The following CDH23 variants were observed in gnomAD, a reference collection of about 807,000 sequenced individuals.
CDH23 encodes the protein cadherin-23.
A neutral mutation model predicts 317.1 loss-of-function variants in CDH23; 189 were observed. The observed-to-expected ratio is 0.60, with a 90% CI of 0.53 to 0.67. The LOEUF (loss-of-function observed/expected upper bound fraction) is 0.67. Ranked by LOEUF, CDH23 falls within the 30% of genes least tolerant of loss-of-function variation. CDH23 has a pLI of 0.00. For missense variants in CDH23, 4,401 were observed against 4,592.4 expected, an observed-to-expected ratio of 0.96 and a Z score of 1.20; for synonymous variants, 1,839 against 1,876.8, an observed-to-expected ratio of 0.98 and a Z score of 0.52.
At chr10:71,579,024 C>T (rs911933334) in intron 9 of CDH23, among the ~76,000 whole-genome samples, 1 of 152,176 alleles carries the variant, frequency 6.6e-6, no homozygotes, top group Non-Finnish European at 1.5e-5. Context: ...TTTGCCTGTA[C>T]CTCCATAAAA....
At chr10:71,577,803 C>A in intron 8 of CDH23, 111 bp from the exon 9 acceptor site, 1 of 881,130 alleles carries the variant, frequency 1.1e-6, no homozygotes, top group Non-Finnish European at 1.8e-6. Context: ...TCCTGGGTTG[C>A]CCTTGCAGCC....
At chr10:71,465,054 T>C (rs1460947146) in intron 3 of CDH23, among the ~76,000 whole-genome samples, 1 of 152,228 alleles carries the variant, frequency 6.6e-6, no homozygotes, top group African/African-American at 2.4e-5. Flanking sequence ...TGCAGAAAAG[T>C]CTAGAGCTAA....
chr10:71,735,138 G>A (rs1839523226), intron 34 of CDH23, among the ~76,000 whole-genome samples: 1 of 152,198 alleles, frequency 6.6e-6, no homozygotes, highest in Admixed American at 6.5e-5. Flanking sequence ...CTGCAGTGGG[G>A]CTCTGTCCTG....
At chr10:71,487,450 A>G (rs1174680183) in intron 3 of CDH23, among the ~76,000 whole-genome samples, 1 of 152,200 alleles carries the variant, frequency 6.6e-6, no homozygotes, top group Non-Finnish European at 1.5e-5. Context: ...GACGTGACAT[A>G]AGCGTGTCTC....
intron 40 of CDH23, 34 bp downstream of exon 40, chr10:71,778,342 T>C: frequency 1.2e-6 from 2 of 1,612,822 alleles, no homozygotes; most frequent in South Asian, 1.1e-5. Context: ...AACTTGGGCT[T>C]GGAGGTTGGC....
intron 38 of CDH23, among the ~76,000 whole-genome samples, chr10:71,769,416 A>G (rs1223103821): frequency 6.6e-6 from 1 of 152,250 alleles, no homozygotes; most frequent in Non-Finnish European, 1.5e-5. Context: ...CTGGCTTTCC[A>G]CTAATGACAG....
In CDH23 at chr10:71,803,310, G is replaced by C. The variant is rs41281338; in HGVS notation, c.7762G>C (p.Glu2588Gln). 9.7e-3 allele frequency: 15,466 copies of C among 1,591,622 alleles called. 124 individuals are homozygous for C. The highest frequency in any genetic ancestry group is 0.024 in the South Asian group (2,066 of 87,676). The part of the protein sequence containing the change: ...SLTVVATDGG[E>Q]PPLWGTTMLL... ...GACCGTGGTGGCCACAGATGGTGGA[G>C]AGCCCCCACTCTGGGGCACCACCAT... Residue 2588 changes from glutamate to glutamine, a missense_variant, in exon 55 of 70, where the codon GAG becomes CAG. Glu to Gln is a conservative substitution (Grantham distance 29, BLOSUM62 2). Coordinates refer to ENST00000224721, the MANE Select transcript of CDH23 (RefSeq NM_022124.6).
At chr10:71,426,191 T>A (rs561362491) in intron 1 of CDH23, among the ~76,000 whole-genome samples, 1 of 152,296 alleles carries the variant, frequency 6.6e-6, no homozygotes, top group African/African-American at 2.4e-5. Context: ...GCATGGCCCC[T>A]GAGCAAATGG....
At chr10:71,544,731 G>A (rs961372248) in intron 6 of CDH23, among the ~76,000 whole-genome samples, 7 of 152,172 alleles carry the variant, frequency 4.6e-5, no homozygotes, top group African/African-American at 1.4e-4. Flanking sequence ...CAAGACCCAC[G>A]AGGCAAAGAA....
At chr10:71,579,672 C>T (rs188434414) in intron 9 of CDH23, among the ~76,000 whole-genome samples, 167 of 152,136 alleles carry the variant, frequency 1.1e-3, no homozygotes, top group African/African-American at 3.8e-3. Context: ...GAAGCCAGGC[C>T]CAGGAAGGAA....
At chr10:71,668,052 G>A (rs113913198) in intron 14 of CDH23, among the ~76,000 whole-genome samples, 17 of 152,118 alleles carry the variant, frequency 1.1e-4, no homozygotes, top group Admixed American at 5.2e-4. Flanking sequence ...ACCAAGCCTG[G>A]GATGGGGTGG....
chr10:71,397,266 A>G lies in CDH23; in HGVS notation c.-58A>G. ...CGGCCCGCGGGGGCCGATCCGGCGG[A>G]GAGCAGAGCCCGAGGCGAGGCGAGG... On this transcript the variant is annotated 5_prime_UTR_variant, in exon 1 of 70. Transcript: ENST00000224721. This position sits in a 1 kb window ranked among gnomAD's most constrained non-coding sequence, Gnocchi z 4.8. The G allele has an allele frequency of 5.5e-6, 1 of 181,570 alleles. No homozygotes were observed. Among genetic ancestry groups the G allele is most frequent in the Non-Finnish European group, 1.1e-5 (1 of 88,540 alleles). 11.2% of individuals were successfully genotyped at this position (181,570 alleles called of 1,614,324 possible).
At chr10:71,615,392 G>A in intron 9 of CDH23, 112 bp from the exon 10 acceptor site, 1 of 732,454 alleles carries the variant, frequency 1.4e-6, no homozygotes. Flanking sequence ...TAACTGATGA[G>A]TCTTTAATGC....
chr10:71,777,564 C>T lies in CDH23; in HGVS notation c.4846-116C>T, dbSNP rs1840843345. On this transcript the variant is annotated intron_variant, in intron 38 of 69. Coordinates refer to ENST00000224721, the MANE Select transcript of CDH23 (RefSeq NM_022124.6). Reference sequence around the variant, plus strand: ...GTGACCCACCCCCTGCTTTCTTCTCCTTGCCCTTTCTGTTTGAGTCACATG... The same window carrying T: ...GTGACCCACCCCCTGCTTTCTTCTCTTTGCCCTTTCTGTTTGAGTCACATG... 8 of 869,472 alleles carry T rather than the reference C, an allele frequency of 9.2e-6. No individual in the cohort carries two copies. The South Asian group carries it at 9.6e-5, about 10-fold the overall frequency. 53.9% of individuals were successfully genotyped at this position (869,472 alleles called of 1,614,324 possible). A position where few individuals can be genotyped will look rare whatever the true frequency, so the allele number is the denominator to read the frequency against.
chr10:71,762,386 C>T (rs1840418761), intron 38 of CDH23, among the ~76,000 whole-genome samples: 1 of 152,250 alleles, frequency 6.6e-6, no homozygotes, highest in Non-Finnish European at 1.5e-5. Context: ...AACAGCAGCT[C>T]CTTGTCCTTG....
intron 1 of CDH23, among the ~76,000 whole-genome samples, chr10:71,436,427 T>C (rs554727380): frequency 2.6e-5 from 4 of 152,232 alleles, no homozygotes; most frequent in Non-Finnish European, 5.9e-5. Context: ...TTTTGTGTGA[T>C]GCATATTGTG....
At chr10:71,542,829 G>A (rs1313707368) in intron 6 of CDH23, among the ~76,000 whole-genome samples, 2 of 152,266 alleles carry the variant, frequency 1.3e-5, no homozygotes, top group Admixed American at 6.5e-5. Context: ...CCTTCCCCTG[G>A]GGGAGGCACA....
intron 9 of CDH23, among the ~76,000 whole-genome samples, chr10:71,590,821 G>GC (rs1859417213): frequency 7.1e-6 from 1 of 141,134 alleles, no homozygotes; most frequent in South Asian, 2.2e-4. Flanking sequence ...AACTAAGATG[G>GC]CCCCACTGCA....
chr10:71,399,434 A>G (rs1004942413), intron 1 of CDH23, among the ~76,000 whole-genome samples: 1 of 152,230 alleles, frequency 6.6e-6, no homozygotes, highest in Non-Finnish European at 1.5e-5. Context: ...GGATAAGAAC[A>G]CAGAGATGAG....
Sources: gnomAD v4.1 joint callset for allele counts (sites outside exome capture counted in the v4.1 genomes callset) on GRCh38, gnomAD v4.1.1 for gene constraint, Gnocchi (gnomAD v3.1) non-coding constraint, MANE v1.5 for transcripts, NCBI Gene and HGNC (gene_info 2026-07-23, HGNC 2026-07-21) for gene names.